The following MAD1L1 variants were observed in gnomAD, a reference collection of about 807,000 sequenced individuals.
MAD1L1 encodes mitotic spindle assembly checkpoint protein MAD1.
Under a neutral mutation model 96.9 loss-of-function variants are expected in MAD1L1, and 95 were observed. That is an observed-to-expected ratio of 0.98 (90% CI 0.83 to 1.16). The LOEUF (loss-of-function observed/expected upper bound fraction) is 1.16. MAD1L1 is among the 50% of genes most tolerant of loss of function. The pLI is 0.00. For missense variants in MAD1L1, 1,007 were observed against 954.4 expected (o/e 1.06, Z -0.73); for synonymous variants, 473 against 396.6 (o/e 1.19, Z -2.29).
Position 2,146,167 on chromosome 7 carries a change from G to C in MAD1L1, c.1073+2985C>G, listed in dbSNP as rs571792159. 2.0e-5 allele frequency among the ~76,000 whole-genome samples: 3 copies of C among 152,256 alleles called. No individual in the cohort carries two copies. The highest frequency in any genetic ancestry group is 7.2e-5 in the African/African-American group (3 of 41,552). Reference sequence around the variant, plus strand: ...GACCCAGCCGTCACTTCAGAAGCTCGGCCTGAGGCACAAGCATTCCGAGAT... The same window carrying C: ...GACCCAGCCGTCACTTCAGAAGCTCCGCCTGAGGCACAAGCATTCCGAGAT... On this transcript the variant is annotated intron_variant, in intron 11 of 18. Transcript: ENST00000265854. This position sits in a 1 kb window ranked among gnomAD's most constrained non-coding sequence, Gnocchi z 6.2.
In MAD1L1 at chr7:2,014,547, AG is replaced by A. The variant is rs763141628; in HGVS notation, c.1313del (p.Ala438ValfsTer40). ...SPQLTRRMRE[A>X]EDMVQKVHSH... ...TGTGCACCTTCTGCACCATATCCTC[AG>A]CCTCCCGCATGCGCCGCGTCAGCTG... On this transcript the variant is annotated frameshift_variant, in exon 13 of 19. Transcript: ENST00000265854. LOFTEE classifies it high-confidence loss of function. 2 of 1,609,968 alleles carry A rather than the reference AG, an allele frequency of 1.2e-6. No homozygotes were observed. The highest frequency in any genetic ancestry group is 4.5e-5 in the East Asian group (2 of 44,840).
chr7:2,219,198 C>T lies in MAD1L1; in HGVS notation c.596+134G>A, dbSNP rs565915987. Reference sequence around the variant, plus strand: ...CTGGCTCCAGAGGCCTCAGCATCTGCCCCTCTTGAGTGTCTGTGAATTAGG... The same window carrying T: ...CTGGCTCCAGAGGCCTCAGCATCTGTCCCTCTTGAGTGTCTGTGAATTAGG... On this transcript the variant is annotated intron_variant, in intron 6 of 18. Transcript: ENST00000265854. 241 of 851,910 alleles carry T rather than the reference C, an allele frequency of 2.8e-4. 1 individual carries two copies. In the African/African-American group the frequency reaches 3.1e-3, roughly 11 times the overall value. 52.8% of individuals were successfully genotyped at this position (851,910 alleles called of 1,614,324 possible).
At chr7:2,227,543 C>T (rs1213520430) in intron 3 of MAD1L1, among the ~76,000 whole-genome samples, 1 of 152,102 alleles carries the variant, frequency 6.6e-6, no homozygotes, top group African/African-American at 2.4e-5. Context: ...ACAAGAAAGT[C>T]CTGAGAAAAA....
rs1175536076 is a variant in MAD1L1, at chr7:2,146,310, G to A, written c.1073+2842C>T. Among the ~76,000 whole-genome samples, 1 of 152,020 alleles carries A rather than the reference G, an allele frequency of 6.6e-6. No homozygotes were observed. The highest frequency in any genetic ancestry group is 1.5e-5 in the Non-Finnish European group (1 of 68,002). ...CCTCGATGAGGGAGCACCGGGCACT[G>A]GGCTACGAGGAACAGGGCACCGCCT... On this transcript the variant is annotated intron_variant, in intron 11 of 18. Transcript: ENST00000265854. This position sits in a 1 kb window ranked among gnomAD's most constrained non-coding sequence, Gnocchi z 6.2.
At chr7:2,185,122 G>C (rs1791395969) in intron 10 of MAD1L1, among the ~76,000 whole-genome samples, 1 of 152,192 alleles carries the variant, frequency 6.6e-6, no homozygotes, top group Non-Finnish European at 1.5e-5. Flanking sequence ...TGAAGCAAGA[G>C]AGATGCCGGC....
chr7:2,127,989 T>G (rs199618196), intron 11 of MAD1L1, among the ~76,000 whole-genome samples: 1 of 152,112 alleles, frequency 6.6e-6, no homozygotes, highest in East Asian at 1.9e-4. Flanking sequence ...CGGAACTTCA[T>G]GATGAGAACA....
chr7:2,173,585 C>G (rs1467613233), intron 10 of MAD1L1, among the ~76,000 whole-genome samples: 1 of 152,208 alleles, frequency 6.6e-6, no homozygotes, highest in African/African-American at 2.4e-5. Context: ...CGGCATCGGG[C>G]TGCCTGGCAA....
chr7:2,189,893 A>G (rs1405590840), intron 10 of MAD1L1, among the ~76,000 whole-genome samples: 1 of 152,200 alleles, frequency 6.6e-6, no homozygotes, highest in Non-Finnish European at 1.5e-5. Flanking sequence ...AACTAACCTC[A>G]TGCTTCAGGA....
At chr7:1,982,095 G>A (rs962034015) in intron 14 of MAD1L1, among the ~76,000 whole-genome samples, 1 of 152,068 alleles carries the variant, frequency 6.6e-6, no homozygotes. Context: ...CCAGCAACAT[G>A]TCTATGTTCT....
At chr7:2,139,231 G>A (rs909094222) in intron 11 of MAD1L1, among the ~76,000 whole-genome samples, 1 of 151,960 alleles carries the variant, frequency 6.6e-6, no homozygotes, top group Non-Finnish European at 1.5e-5. Context: ...GGGATCACAC[G>A]GCCCGACCCC....
intron 18 of MAD1L1, among the ~76,000 whole-genome samples, chr7:1,879,878 C>G (rs958609778): frequency 2.0e-5 from 3 of 152,144 alleles, no homozygotes; most frequent in Non-Finnish European, 4.4e-5. Context: ...CTACAGGCAC[C>G]TGCCACCACA....
chr7:1,902,868 G>A (rs1787339259), intron 17 of MAD1L1, among the ~76,000 whole-genome samples: 2 of 150,912 alleles, frequency 1.3e-5, no homozygotes, highest in Non-Finnish European at 2.9e-5. Flanking sequence ...CGGAACTCAT[G>A]ATTGATGAAG....
chr7:2,042,420 G>T (rs143049192), intron 12 of MAD1L1, among the ~76,000 whole-genome samples: 4 of 152,158 alleles, frequency 2.6e-5, no homozygotes, highest in Non-Finnish European at 5.9e-5. Flanking sequence ...TCACACTCCA[G>T]CCACCCCAGA....
At chr7:1,915,864 T>C (rs1788354451) in intron 17 of MAD1L1, among the ~76,000 whole-genome samples, 3 of 152,318 alleles carry the variant, frequency 2.0e-5, no homozygotes, top group Admixed American at 2.0e-4. Flanking sequence ...CAGGGAATTC[T>C]TGGGACAAAG....
At chr7:2,225,256 T>C (rs558213021) in intron 4 of MAD1L1, among the ~76,000 whole-genome samples, 154 bp downstream of exon 4, 2 of 39,370 alleles carry the variant, frequency 5.1e-5, no homozygotes, top group Admixed American at 4.1e-4. Flanking sequence ...TCCCAGGGAC[T>C]GGGATCTGAT....
chr7:1,962,637 C>CA (rs1244520777), intron 15 of MAD1L1, among the ~76,000 whole-genome samples: 2 of 151,746 alleles, frequency 1.3e-5, no homozygotes, highest in Admixed American at 1.3e-4. Context: ...TTAAAATGGA[C>CA]AAAAAAACAG....
rs1781796883 is a variant in MAD1L1, at chr7:1,816,248, G to A, written c.1999-20C>T. 1 of 1,606,454 alleles carries A rather than the reference G, an allele frequency of 6.2e-7. No individual in the cohort carries two copies. The highest frequency in any genetic ancestry group is 8.5e-7 in the Non-Finnish European group (1 of 1,175,646). The stretch of plus-strand genomic sequence containing the variant: ...GGTGGCCTGCGGGGCAGTCAAGAAA[G>A]AGACAAGACAGCGGTCAGCCCGACA... On this transcript the variant is annotated intron_variant, in intron 18 of 18. Transcript: ENST00000265854.
intron 13 of MAD1L1, among the ~76,000 whole-genome samples, chr7:2,009,429 G>A (rs934902241): frequency 2.0e-5 from 3 of 152,184 alleles, no homozygotes; most frequent in Non-Finnish European, 4.4e-5. Context: ...TCACGGTCAC[G>A]TGGAAAAGGA....
intron 18 of MAD1L1, among the ~76,000 whole-genome samples, chr7:1,863,411 G>C (rs1327889316): frequency 6.6e-6 from 1 of 152,244 alleles, no homozygotes; most frequent in African/African-American, 2.4e-5. Flanking sequence ...GGCCTGGGCG[G>C]GGAGACCTCG....
Sources: allele counts gnomAD v4.1 joint callset (sites outside exome capture counted in the v4.1 genomes callset), GRCh38; gene constraint gnomAD v4.1.1; non-coding constraint Gnocchi (gnomAD v3.1); transcripts MANE v1.5; gene names NCBI Gene and HGNC (gene_info 2026-07-23, HGNC 2026-07-21).